The following SIPA1L2 variants were observed in gnomAD, a reference collection of about 807,000 sequenced individuals.
The protein encoded by SIPA1L2 is signal induced proliferation associated 1 like 2, also known as signal-induced proliferation-associated 1-like protein 2.
In SIPA1L2, 56 loss-of-function variants were observed where a neutral mutation model predicts 163.9. That is an observed-to-expected ratio of 0.34 (90% CI 0.28 to 0.43). The LOEUF (loss-of-function observed/expected upper bound fraction) is 0.43. Ranked by LOEUF, SIPA1L2 falls within the 20% of genes least tolerant of loss-of-function variation. The pLI is 1.00. For synonymous variants in SIPA1L2, 877 were observed against 865.7 expected, an observed-to-expected ratio of 1.01 and a Z score of -0.23; for missense variants, 1,974 against 2,193.5, an observed-to-expected ratio of 0.90 and a Z score of 2.00.
In SIPA1L2 at chr1:232,544,566, A is replaced by AT. The variant is rs917636549; in HGVS notation, c.-269-28959_-269-28958insA. ...CAGAGCGAGACTCCTGTCTCAAAAA[A>AT]AAAAAAGTGCTTGAATGCCAAGAAT... On this transcript the variant is annotated intron_variant, in intron 2 of 22. Transcript: ENST00000674635. Among the ~76,000 whole-genome samples, 15 of 151,846 alleles carry AT rather than the reference A, an allele frequency of 9.9e-5. No homozygotes were observed. In the Middle Eastern group the frequency reaches 0.01, roughly 103 times the overall value.
At chr1:232,507,019 G>A (rs989747931) in intron 3 of SIPA1L2, among the ~76,000 whole-genome samples, 2 of 152,148 alleles carry the variant, frequency 1.3e-5, no homozygotes, top group African/African-American at 2.4e-5. Flanking sequence ...CATTTGTTAT[G>A]ATGAACGAAT....
Position 232,403,428 on chromosome 1 carries a change from G to A in SIPA1L2, c.4940+20C>T. 4 of 1,609,478 alleles carry A rather than the reference G, an allele frequency of 2.5e-6. No homozygotes were observed. Among genetic ancestry groups the A allele is most frequent in the Non-Finnish European group, 3.4e-6 (4 of 1,177,706 alleles). ...ATGCCTGGAACAGCAGGAGGGAGGG[G>A]TCCACAGGGGCTCACATACCCAGTT... On this transcript the variant is annotated intron_variant, in intron 21 of 22. Transcript: ENST00000674635.
At chr1:232,538,111 A>T (rs950550540) in intron 2 of SIPA1L2, among the ~76,000 whole-genome samples, 2 of 152,218 alleles carry the variant, frequency 1.3e-5, no homozygotes. Flanking sequence ...AACAACAAAA[A>T]GTCTCAGTAA....
chr1:232,445,450 CA>C, intron 11 of SIPA1L2, 78 bp downstream of exon 11: 1 of 1,589,144 alleles, frequency 6.3e-7, no homozygotes, highest in Non-Finnish European at 8.6e-7. Flanking sequence ...AGTGATTAAG[CA>C]AAACCCTCCC....
chr1:232,473,815 A>G, intron 7 of SIPA1L2, among the ~76,000 whole-genome samples: 1 of 152,232 alleles, frequency 6.6e-6, no homozygotes, highest in East Asian at 1.9e-4. Flanking sequence ...TTCATTAGGA[A>G]GGGTAAAATC....
chr1:232,598,254 A>G (rs1311050656), intron 1 of SIPA1L2, among the ~76,000 whole-genome samples: 1 of 151,008 alleles, frequency 6.6e-6, no homozygotes, highest in East Asian at 1.9e-4. Flanking sequence ...AAAAAAAAAA[A>G]ATCAGCCGGG....
chr1:232,618,733 AT>A (rs1662639146), intron 1 of SIPA1L2, among the ~76,000 whole-genome samples: 1 of 152,148 alleles, frequency 6.6e-6, no homozygotes. Context: ...CAAGTTATAT[AT>A]TCCTAAGTAT....
At chr1:232,437,528 T>C (rs866866632) in intron 15 of SIPA1L2, among the ~76,000 whole-genome samples, 1 of 152,234 alleles carries the variant, frequency 6.6e-6, no homozygotes, top group Non-Finnish European at 1.5e-5. Flanking sequence ...TGGACACACA[T>C]GATTTCTACT....
intron 16 of SIPA1L2, among the ~76,000 whole-genome samples, chr1:232,429,988 G>C (rs1662134000): frequency 6.6e-6 from 1 of 152,158 alleles, no homozygotes; most frequent in Non-Finnish European, 1.5e-5. Context: ...GTTAAAATAT[G>C]TGTTTATAAA....
Position 232,439,588 on chromosome 1 carries a change from G to A in SIPA1L2, c.3643-92C>T, listed in dbSNP as rs368690664. On this transcript the variant is annotated intron_variant, in intron 14 of 22. Coordinates refer to ENST00000674635, the MANE Select transcript of SIPA1L2 (RefSeq NM_020808.5). ...TCAGGGAGCTACAAGCCATGGGATC[G>A]CACCCAAGCCCTTTCTACTCACTCT... 4.3e-4 allele frequency: 627 copies of A among 1,442,320 alleles called. 5 individuals carry two copies. The South Asian group carries it at 7.0e-3, about 16-fold the overall frequency. 89.3% of individuals were successfully genotyped at this position (1,442,320 alleles called of 1,614,324 possible).
chr1:232,602,761 C>T (rs1259747002), intron 1 of SIPA1L2, among the ~76,000 whole-genome samples: 2 of 152,172 alleles, frequency 1.3e-5, no homozygotes, highest in South Asian at 4.1e-4. Context: ...AGCTAGACAG[C>T]GGTATCTACA....
At position 232,479,751 on chromosome 1, in the gene SIPA1L2, C is replaced by T. The variant is rs371442913; in HGVS notation, c.1982-21G>A. On this transcript the variant is annotated intron_variant, in intron 6 of 22. Coordinates refer to ENST00000674635, the MANE Select transcript of SIPA1L2 (RefSeq NM_020808.5). ...ATCAGCTGAAAACAAAGATGAATTA[C>T]AGAAGCAAGGTAAGCTGCTACAAAA... is the stretch of plus-strand genomic sequence containing the variant. 4.4e-4 allele frequency: 707 copies of T among 1,600,412 alleles called. 4 individuals are homozygous for T. Among genetic ancestry groups the T allele is most frequent in the Non-Finnish European group, 2.3e-4 (264 of 1,168,040 alleles).
Position 232,398,509 on chromosome 1 carries a change from T to G in SIPA1L2, c.*618A>C, listed in dbSNP as rs893726017. ...GGCACCATTTGTTCCTGCAAATAAA[T>G]AAGTCTCTAAGGTAACTGCATCTGA... On this transcript the variant is annotated 3_prime_UTR_variant, in exon 23 of 23. Coordinates refer to ENST00000674635, the MANE Select transcript of SIPA1L2 (RefSeq NM_020808.5). 1 of 152,494 alleles carries G rather than the reference T, an allele frequency of 6.6e-6. No individual in the cohort carries two copies. The highest frequency in any genetic ancestry group is 2.4e-5 in the African/African-American group (1 of 41,400). 9.4% of individuals were successfully genotyped at this position (152,494 alleles called of 1,614,324 possible). A position where few individuals can be genotyped will look rare whatever the true frequency, so the allele number is the denominator to read the frequency against.
At chr1:232,618,545 T>C (rs1482414462) in intron 1 of SIPA1L2, among the ~76,000 whole-genome samples, 1 of 151,104 alleles carries the variant, frequency 6.6e-6, no homozygotes, top group Admixed American at 6.6e-5. Flanking sequence ...TCCCAGCTAA[T>C]CAGGAGGCTG....
Position 232,515,270 on chromosome 1 carries a change from G to C in SIPA1L2, c.70C>G (p.Pro24Ala). 2.5e-6 allele frequency: 4 copies of C among 1,613,730 alleles called. No homozygotes were observed. The highest frequency in any genetic ancestry group is 3.4e-6 in the Non-Finnish European group (4 of 1,179,812). The change falls in exon 3 of 23, where the codon CCC (proline) becomes GCC (alanine). Residue 24 changes from proline to alanine, a missense_variant. Physicochemically the swap from Pro to Ala is conservative, Grantham distance 27. This residue lies in a region of SIPA1L2 where 607 missense variants were observed against 624.0 expected (regional missense o/e 0.97). Coordinates refer to ENST00000674635, the MANE Select transcript of SIPA1L2 (RefSeq NM_020808.5). ...LGRASSKFKD[P>A]PRIMQSDDYF... is the part of the protein sequence containing the mutation. Reference sequence around the variant, plus strand: ...TCATCTGACTGCATGATTCTAGGGGGATCCTTGAACTTTGAAGAGGCTCTG... The same window carrying C: ...TCATCTGACTGCATGATTCTAGGGGCATCCTTGAACTTTGAAGAGGCTCTG...
In SIPA1L2 at chr1:232,483,888, T is replaced by C; in HGVS notation, c.1885A>G (p.Thr629Ala). The C allele has an allele frequency of 4.3e-6, 7 of 1,614,064 alleles. No individual in the cohort carries two copies. Among genetic ancestry groups the C allele is most frequent in the Non-Finnish European group, 5.9e-6 (7 of 1,179,960 alleles). The part of the protein sequence containing the change: ...STEEEMYNNE[T>A]AGPAFEEFLD... ...AATTCTTCAAAAGCTGGTCCCGCCG[T>C]CTCATTGTTATACATCTCTTCCTCT... is the stretch of plus-strand genomic sequence containing the variant. The change falls in exon 6 of 23, where the codon ACG becomes GCG. Residue 629 changes from threonine to alanine, a missense_variant. Thr to Ala is a moderately conservative substitution (Grantham distance 58). Transcript: ENST00000674635.
At chr1:232,518,103 C>A (rs1016677665) in intron 2 of SIPA1L2, among the ~76,000 whole-genome samples, 1 of 152,170 alleles carries the variant, frequency 6.6e-6, no homozygotes, top group Non-Finnish European at 1.5e-5. Context: ...TGAATTTATG[C>A]TGAATCTTAT....
chr1:232,537,882 C>A (rs1657410376), intron 2 of SIPA1L2, among the ~76,000 whole-genome samples: 1 of 152,234 alleles, frequency 6.6e-6, no homozygotes, highest in African/African-American at 2.4e-5. Context: ...CTTAAACTAT[C>A]TACATATAAC....
chr1:232,411,542 GGTT>G (rs1159903672), intron 19 of SIPA1L2, among the ~76,000 whole-genome samples: 1 of 151,674 alleles, frequency 6.6e-6, no homozygotes, highest in African/African-American at 2.4e-5. Context: ...GAAAAACTCA[GGTT>G]GTTAGTTTTA....
Sources: gnomAD v4.1 joint callset for allele counts (sites outside exome capture counted in the v4.1 genomes callset) on GRCh38, gnomAD v4.1.1 for gene constraint, gnomAD v4.1.1 regional missense constraint, MANE v1.5 for transcripts, NCBI Gene and HGNC (gene_info 2026-07-23, HGNC 2026-07-21) for gene names.